The following ANK1 variants were observed in gnomAD, a reference collection of about 807,000 sequenced individuals.
ANK1 encodes ankyrin 1.
In ANK1, 51 loss-of-function variants were observed where a neutral mutation model predicts 210.4. That is an observed-to-expected ratio of 0.24 (90% CI 0.19 to 0.31). The LOEUF is 0.31. Ranked by LOEUF, ANK1 falls within the 10% of genes least tolerant of loss-of-function variation. The pLI is 1.00. For synonymous variants in ANK1, 967 were observed against 1,025.9 expected, an observed-to-expected ratio of 0.94 and a Z score of 1.10; for missense variants, 2,051 against 2,504.4, an observed-to-expected ratio of 0.82 and a Z score of 3.86.
At chr8:41,702,004 G>A (rs544669367) in intron 21 of ANK1, 48 bp downstream of exon 21, 77 of 1,563,268 alleles carry the variant, frequency 4.9e-5, no homozygotes, top group Non-Finnish European at 6.6e-5. Flanking sequence ...ACGCCTGTGC[G>A]CCAGGCTGAG....
chr8:41,680,755 G>A (rs1366308722), intron 37 of ANK1, among the ~76,000 whole-genome samples: 1 of 152,134 alleles, frequency 6.6e-6, no homozygotes, highest in Non-Finnish European at 1.5e-5. Flanking sequence ...TGCTGGTGCT[G>A]GTGGGAGTCA....
intron 38 of ANK1, among the ~76,000 whole-genome samples, chr8:41,671,413 G>C (rs1812242379): frequency 1.3e-5 from 2 of 152,132 alleles, no homozygotes; most frequent in Admixed American, 6.5e-5. Context: ...CACGCAAGGG[G>C]AGAGGAGCTC....
intron 12 of ANK1, 146 bp from the exon 13 acceptor site, chr8:41,717,197 G>A: frequency 3.7e-6 from 3 of 803,628 alleles, no homozygotes; most frequent in Non-Finnish European, 6.3e-6. Context: ...CTTTAGCCTG[G>A]TATGTGTGCA....
intron 1 of ANK1, among the ~76,000 whole-genome samples, chr8:41,867,044 T>C (rs1313214528): frequency 1.3e-5 from 2 of 152,238 alleles, no homozygotes; most frequent in Non-Finnish European, 2.9e-5. Context: ...CAGTGTTCCA[T>C]CTACCCTAGT....
intron 1 of ANK1, among the ~76,000 whole-genome samples, chr8:41,803,095 A>G (rs796316561): frequency 0.096 from 4,847 of 50,714 alleles, 228 homozygotes; most frequent in African/African-American, 0.23. Flanking sequence ...GAAGGAAAGG[A>G]AAGGAAAGGA....
At chr8:41,827,756 A>T (rs1805681201) in intron 1 of ANK1, among the ~76,000 whole-genome samples, 1 of 141,940 alleles carries the variant, frequency 7.0e-6, no homozygotes. Context: ...ACATACACCC[A>T]CTCACACACC....
At chr8:41,816,234 A>G (rs1367820666) in intron 1 of ANK1, among the ~76,000 whole-genome samples, 1 of 152,224 alleles carries the variant, frequency 6.6e-6, no homozygotes, top group Non-Finnish European at 1.5e-5. Flanking sequence ...GCAAGAACAT[A>G]AAAAGTTAAA....
At chr8:41,820,799 G>A (rs966163798) in intron 1 of ANK1, among the ~76,000 whole-genome samples, 27 of 152,280 alleles carry the variant, frequency 1.8e-4, no homozygotes, top group African/African-American at 6.0e-4. Context: ...CACAAAATAT[G>A]AGACTTGATG....
chr8:41,847,679 A>G (rs1429353740), intron 1 of ANK1, among the ~76,000 whole-genome samples: 1 of 152,238 alleles, frequency 6.6e-6, no homozygotes, highest in Non-Finnish European at 1.5e-5. Flanking sequence ...ACGTAGGAAT[A>G]TAGTCTTCTT....
At chr8:41,661,065 G>A (rs1807937854) in intron 42 of ANK1, 1 of 217,762 alleles carries the variant, frequency 4.6e-6, no homozygotes, top group Non-Finnish European at 9.0e-6. Context: ...TTTTTGTGAT[G>A]GGGTCTTGCT....
chr8:41,805,301 G>T (rs930352865), intron 1 of ANK1, among the ~76,000 whole-genome samples: 1 of 151,148 alleles, frequency 6.6e-6, no homozygotes, highest in African/African-American at 2.4e-5. Context: ...GGGGCACATT[G>T]TTACAATCAT....
rs10686757 is a variant in ANK1, at chr8:41,822,186, G to GA, written c.127-64050dup. 2.3e-3 allele frequency among the ~76,000 whole-genome samples: 332 copies of GA among 145,642 alleles called. 3 individuals are homozygous for GA. Among genetic ancestry groups the GA allele is most frequent in the African/African-American group, 7.0e-3 (272 of 38,730 alleles). On this transcript the variant is annotated intron_variant, in intron 1 of 42. Coordinates refer to the ANK1 transcript ENST00000265709. The stretch of plus-strand genomic sequence containing the variant: ...AGAAAGAAAGAAAGAAAGAAAGAAA[G>GA]AAGGAAAGAAAGAAAAGAAAGAAAG...
intron 39 of ANK1, chr8:41,664,308 C>A: frequency 2.7e-6 from 1 of 372,964 alleles, no homozygotes; most frequent in South Asian, 2.0e-5. Flanking sequence ...CCCATCTCTA[C>A]AAAAATTTTT....
rs546257665 is a variant in ANK1 at position 41,697,857 on chromosome 8, C to T, written c.2637+186G>A. 2.7e-4 allele frequency: 184 copies of T among 687,820 alleles called. 2 individuals are homozygous for T. Among genetic ancestry groups the T allele is most frequent in the South Asian group, 2.3e-3 (146 of 63,218 alleles). The allele number at this position is 687,820 out of a possible 1,614,324, so 42.6% of individuals were successfully genotyped here. Reference sequence around the variant, plus strand: ...CCATCTGACCATCTCTTCCAGACGCCGCCCACCCAGCGCCACCAATGTTGC... The same window carrying T: ...CCATCTGACCATCTCTTCCAGACGCTGCCCACCCAGCGCCACCAATGTTGC... On this transcript the variant is annotated intron_variant, in intron 24 of 42. Coordinates refer to ENST00000289734, the MANE Select transcript of ANK1 (RefSeq NM_000037.4).
At chr8:41,726,555 A>T (rs1476074743) in intron 5 of ANK1, among the ~76,000 whole-genome samples, 2 of 151,886 alleles carry the variant, frequency 1.3e-5, no homozygotes, top group East Asian at 3.9e-4. Flanking sequence ...CACCCAGCTA[A>T]TTTTCTTTTT....
chr8:41,857,596 G>T (rs1197273817), intron 1 of ANK1, among the ~76,000 whole-genome samples: 1 of 152,080 alleles, frequency 6.6e-6, no homozygotes, highest in Admixed American at 6.5e-5. Context: ...AAATTAGCCA[G>T]GCATGGTGGC....
intron 16 of ANK1, among the ~76,000 whole-genome samples, chr8:41,713,694 C>G (rs1343822278): frequency 6.6e-6 from 1 of 152,214 alleles, no homozygotes; most frequent in Non-Finnish European, 1.5e-5. Context: ...TCTCAAAGTA[C>G]GGTCGCTGTG....
rs572850860 is a variant in ANK1, at chr8:41,708,852, C to T, written c.1924G>A (p.Ala642Thr). 1.2e-6 allele frequency: 2 copies of T among 1,614,094 alleles called. No homozygotes were observed. Among genetic ancestry groups the T allele is most frequent in the South Asian group, 1.1e-5 (1 of 91,086 alleles). The change falls in exon 17 of 43, where the codon GCC (alanine) becomes ACC (threonine). Residue 642 changes from alanine (A) to threonine (T), a missense_variant. By Grantham distance (58) the Ala-to-Thr change is moderately conservative. This residue lies in a region of ANK1 where 1,413 missense variants were observed against 1,707.4 expected (regional missense o/e 0.83). Coordinates refer to ENST00000289734, the MANE Select transcript of ANK1 (RefSeq NM_000037.4). ...SVQGVTPLHLAAQEGHAEMVA... is the reference protein window; with the variant it reads ...SVQGVTPLHLTAQEGHAEMVA... Reference sequence around the variant, plus strand: ...ATCTCTGCGTGGCCCTCCTGGGCGGCCAGGTGAAGGGGCGTCACACCTTGC... The same window carrying T: ...ATCTCTGCGTGGCCCTCCTGGGCGGTCAGGTGAAGGGGCGTCACACCTTGC...
intron 2 of ANK1, among the ~76,000 whole-genome samples, chr8:41,748,333 G>A (rs927799456): frequency 6.6e-6 from 1 of 152,154 alleles, no homozygotes; most frequent in African/African-American, 2.4e-5. Flanking sequence ...TAGGATCAGA[G>A]AACTATGTAG....
Sources: allele counts gnomAD v4.1 joint callset (sites outside exome capture counted in the v4.1 genomes callset), GRCh38; gene constraint gnomAD v4.1.1; regional missense constraint gnomAD v4.1.1; transcripts MANE v1.5; gene names NCBI Gene and HGNC (gene_info 2026-07-23, HGNC 2026-07-21).